RHOBTB1: variants seen among roughly 807,000 people sequenced by gnomAD.
RHOBTB1 encodes rho-related BTB domain-containing protein 1.
RHOBTB1 carries 40 observed loss-of-function variants against 71.6 expected under a neutral mutation model. The ratio of observed to expected loss-of-function variants is 0.56; its 90% CI spans 0.43 to 0.73. The LOEUF (loss-of-function observed/expected upper bound fraction) is 0.73, where lower values mean the gene tolerates loss of function less well. Among genes scored for constraint, RHOBTB1 ranks in the 30% least tolerant of loss-of-function variants. The pLI, the probability that RHOBTB1 is intolerant of heterozygous loss-of-function variation, is 0.00. For synonymous variants in RHOBTB1, 319 were observed against 334.9 expected, an observed-to-expected ratio of 0.95 and a Z score of 0.52; for missense variants, 797 against 894.0, an observed-to-expected ratio of 0.89 and a Z score of 1.38.
At chr10:60,944,676 C>G (rs1464380484), upstream of RHOBTB1, among the ~76,000 whole-genome samples, 1 of 152,158 alleles carries the variant, frequency 6.6e-6, no homozygotes, top group Non-Finnish European at 1.5e-5. Flanking sequence ...CTTTCTTCCC[C>G]CTAGGAGCTG....
Position 60,997,064 on chromosome 10 carries a change from TACACACACAC to T in RHOBTB1, c.-163+4325_-163+4334del, listed in dbSNP as rs3049452. Among the ~76,000 whole-genome samples, 957 of 144,940 alleles carry T rather than the reference TACACACACAC, an allele frequency of 6.6e-3. 4 individuals are homozygous for T. The highest frequency in any genetic ancestry group is 0.022 in the African/African-American group (851 of 39,482). On this transcript the variant is annotated intron_variant, in intron 1 of 11. Transcript: ENST00000357917. ...GTCTAGTAGCCACAGCATGGTTATG[TACACACACAC>T]ACACACACACACACACACACACACA...
intron 2 of RHOBTB1, among the ~76,000 whole-genome samples, chr10:60,949,760 T>G (rs1313347460): frequency 6.6e-6 from 1 of 151,754 alleles, no homozygotes; most frequent in African/African-American, 2.4e-5. Context: ...TCTTGGCATT[T>G]CCTATGATTA....
intron 2 of RHOBTB1, among the ~76,000 whole-genome samples, chr10:60,982,980 T>G (rs1048644425): frequency 6.6e-6 from 1 of 152,112 alleles, no homozygotes; most frequent in Admixed American, 6.5e-5. Context: ...TGTTCCATGG[T>G]CTTTTAATCG....
chr10:60,871,358 G>A lies in RHOBTB1; in HGVS notation c.*124C>T, dbSNP rs1158126164. ...AGATAAATGCACAAAAGTGGAGGAA[G>A]ATCAGTGCCCGAAACCTGAACTATG... is the stretch of plus-strand genomic sequence containing the variant. On this transcript the variant is annotated 3_prime_UTR_variant, in exon 11 of 11. Transcript: ENST00000337910. 3 of 881,906 alleles carry A rather than the reference G, an allele frequency of 3.4e-6. No homozygotes were observed. Among genetic ancestry groups the A allele is most frequent in the East Asian group, 2.6e-5 (1 of 39,092 alleles). 54.6% of individuals were successfully genotyped at this position (881,906 alleles called of 1,614,324 possible).
Position 60,887,965 on chromosome 10 carries a change from C to A in RHOBTB1, c.1456+247G>T, listed in dbSNP as rs1222985058. 2.0e-5 allele frequency among the ~76,000 whole-genome samples: 3 copies of A among 152,104 alleles called. No homozygotes were observed. In the East Asian group the frequency reaches 5.8e-4, roughly 29 times the overall value. On this transcript the variant is annotated intron_variant, in intron 6 of 10. Coordinates refer to ENST00000337910, the MANE Select transcript of RHOBTB1 (RefSeq NM_014836.5). ...GCTCTACCATTTATTGCTGGTGTGA[C>A]CATGGGCAGATTACCTAACCTCTCT...
chr10:60,982,466 G>A (rs111375715), intron 2 of RHOBTB1, among the ~76,000 whole-genome samples: 3 of 152,128 alleles, frequency 2.0e-5, no homozygotes, highest in Non-Finnish European at 2.9e-5. Context: ...TTACTCCAGG[G>A]TTTCTCAACC....
intron 2 of RHOBTB1, among the ~76,000 whole-genome samples, chr10:60,939,307 T>C (rs1282404786): frequency 6.6e-6 from 1 of 152,120 alleles, no homozygotes; most frequent in Non-Finnish European, 1.5e-5. Flanking sequence ...TTTTTGCCAA[T>C]TTTCCAATTT....
At chr10:60,902,887 C>G (rs4641412) in intron 4 of RHOBTB1, among the ~76,000 whole-genome samples, 3 of 151,960 alleles carry the variant, frequency 2.0e-5, no homozygotes, top group Non-Finnish European at 2.9e-5. Context: ...CAACTAACAT[C>G]GATCAAGCTC....
At chr10:60,988,428 C>T (rs1175990520) in intron 1 of RHOBTB1, among the ~76,000 whole-genome samples, 1 of 151,756 alleles carries the variant, frequency 6.6e-6, no homozygotes, top group Non-Finnish European at 1.5e-5. Flanking sequence ...GAGCATAGTA[C>T]CCAACTGGTA....
intron 2 of RHOBTB1, among the ~76,000 whole-genome samples, chr10:60,926,235 C>A (rs1223702062): frequency 6.6e-6 from 1 of 151,932 alleles, no homozygotes; most frequent in Non-Finnish European, 1.5e-5. Context: ...ACACTCTGTC[C>A]AAAATAAATA....
At chr10:60,997,064 TAC>T (rs3049452) in intron 1 of RHOBTB1, among the ~76,000 whole-genome samples, 47,173 of 144,494 alleles carry the variant, frequency 0.33, 7,350 homozygotes, top group African/African-American at 0.37. Flanking sequence ...CATGGTTATG[TAC>T]ACACACACAC....
intron 4 of RHOBTB1, among the ~76,000 whole-genome samples, chr10:60,894,029 T>C (rs746961633): frequency 2.6e-5 from 4 of 152,232 alleles, no homozygotes; most frequent in Admixed American, 6.5e-5. Flanking sequence ...TTTCATTAGA[T>C]GTTAATTTAT....
chr10:60,888,463 A>C lies in RHOBTB1; in HGVS notation c.1205T>G (p.Met402Arg), dbSNP rs1442600507. 6.2e-7 allele frequency: 1 copy of C among 1,614,100 alleles called. No homozygotes were observed. Among genetic ancestry groups the C allele is most frequent in the Non-Finnish European group, 8.5e-7 (1 of 1,180,044 alleles). Residue 402 changes from methionine (M) to arginine (R), a missense_variant, in exon 6 of 11, where the codon ATG (methionine) becomes AGG (arginine). By Grantham distance (91) the Met-to-Arg change is moderately conservative. Around this residue, in one of 2 missense-constraint regions of RHOBTB1, gnomAD observed 658 missense variants for 681.5 expected, o/e 0.97. Transcript: ENST00000337910. ...KRMGPMTVVR[M>R]DASVQPGPFR... ...AGGGCCTGGCTGGACTGAAGCGTCC[A>C]TCCTGACCACAGTCATGGGCCCCAT...
chr10:60,992,237 T>C (rs2086894876), intron 1 of RHOBTB1, among the ~76,000 whole-genome samples: 2 of 152,174 alleles, frequency 1.3e-5, no homozygotes, highest in South Asian at 4.1e-4. Context: ...TCACGCTTAG[T>C]AGTGGGTGAA....
intron 4 of RHOBTB1, among the ~76,000 whole-genome samples, chr10:60,895,940 T>C (rs1199122625): frequency 6.6e-6 from 1 of 152,268 alleles, no homozygotes; most frequent in Non-Finnish European, 1.5e-5. Context: ...CATTTCTCCT[T>C]ACCAACATTC....
intron 6 of RHOBTB1, among the ~76,000 whole-genome samples, chr10:60,886,539 C>T (rs1175023309): frequency 1.3e-5 from 2 of 152,062 alleles, no homozygotes; most frequent in African/African-American, 4.8e-5. Context: ...AACAGTGGAA[C>T]GAACAGTATG....
At chr10:61,001,484 G>GCGCCGACCCCGCCCCGCCC (rs924727413), upstream of RHOBTB1, 12 of 150,866 alleles carry the variant, frequency 8.0e-5, no homozygotes, top group Non-Finnish European at 1.5e-4. Flanking sequence ...CGCCGGGACA[G>GCGCCGACCCCGCCCCGCCC]CGCCGACCCC....
In RHOBTB1 at chr10:60,871,175, T is replaced by A; in HGVS notation, c.*307A>T. ...GGAATCAGAAACATGAAAGCTGAAT[T>A]TTTTTTCTTTGTATAAAAAGAAACA... On this transcript the variant is annotated 3_prime_UTR_variant, in exon 11 of 11. Coordinates refer to ENST00000337910, the MANE Select transcript of RHOBTB1 (RefSeq NM_014836.5). 1 of 242,824 alleles carries A rather than the reference T, an allele frequency of 4.1e-6. No individual in the cohort carries two copies. Among genetic ancestry groups the A allele is most frequent in the Non-Finnish European group, 7.8e-6 (1 of 127,604 alleles). 15.0% of individuals were successfully genotyped at this position (242,824 alleles called of 1,614,324 possible).
intron 1 of RHOBTB1, among the ~76,000 whole-genome samples, chr10:60,988,457 C>G (rs993861162): frequency 1.3e-5 from 2 of 151,780 alleles, no homozygotes; most frequent in Admixed American, 6.6e-5. Flanking sequence ...GCCCTTGCCC[C>G]TCCCTCCCTA....
Sources: allele counts gnomAD v4.1 joint callset (sites outside exome capture counted in the v4.1 genomes callset), GRCh38; gene constraint gnomAD v4.1.1; regional missense constraint gnomAD v4.1.1; transcripts MANE v1.5; gene names NCBI Gene and HGNC (gene_info 2026-07-23, HGNC 2026-07-21).